KCNH7: variants seen among roughly 807,000 people sequenced by gnomAD.
KCNH7 encodes voltage-gated inwardly rectifying potassium channel KCNH7.
In KCNH7, 49 loss-of-function variants were observed where a neutral mutation model predicts 120.8. The ratio of observed to expected loss-of-function variants is 0.41; its 90% confidence interval spans 0.32 to 0.51. The LOEUF (loss-of-function observed/expected upper bound fraction) is 0.51. Among genes scored for constraint, KCNH7 ranks in the 20% least tolerant of loss-of-function variants. KCNH7 has a pLI of 0.38. For synonymous variants in KCNH7, 547 were observed against 516.1 expected (o/e 1.06, Z -0.81); for missense variants, 1,097 against 1,446.6 (o/e 0.76, Z 3.92).
chr2:162,563,375 T>C (rs908569218), intron 2 of KCNH7, among the ~76,000 whole-genome samples: 3 of 152,202 alleles, frequency 2.0e-5, no homozygotes, highest in African/African-American at 7.2e-5. Flanking sequence ...CTTTACCTTG[T>C]ATTGTATTTC....
At chr2:162,467,263 G>T (rs1339124379) in intron 6 of KCNH7, among the ~76,000 whole-genome samples, 2 of 152,122 alleles carry the variant, frequency 1.3e-5, no homozygotes, top group African/African-American at 4.8e-5. Flanking sequence ...AGTTCTCAAG[G>T]TAATTCACCA....
At chr2:162,392,899 A>T (rs113358804) in intron 12 of KCNH7, among the ~76,000 whole-genome samples, 216 of 151,928 alleles carry the variant, frequency 1.4e-3, no homozygotes, top group African/African-American at 4.9e-3. Flanking sequence ...AGAAAAAAAA[A>T]ATCAACAGAA....
At chr2:162,821,030 G>A (rs920739739) in intron 2 of KCNH7, among the ~76,000 whole-genome samples, 1 of 152,072 alleles carries the variant, frequency 6.6e-6, no homozygotes, top group Non-Finnish European at 1.5e-5. Context: ...GACAACAAAG[G>A]TTACACACAA....
intron 2 of KCNH7, among the ~76,000 whole-genome samples, chr2:162,578,774 A>AATT (rs1187268244): frequency 6.6e-6 from 1 of 151,970 alleles, no homozygotes; most frequent in Non-Finnish European, 1.5e-5. Flanking sequence ...TAGAAGTGGG[A>AATT]CCTATTTCCC....
chr2:162,752,914 A>T (rs1574342827), intron 2 of KCNH7, among the ~76,000 whole-genome samples: 2 of 51,942 alleles, frequency 3.9e-5, no homozygotes, highest in South Asian at 6.3e-4. Context: ...AAAAGAAAAG[A>T]AAAGAAAAGA....
intron 2 of KCNH7, among the ~76,000 whole-genome samples, chr2:162,738,754 C>T (rs1688009276): frequency 6.6e-6 from 1 of 152,318 alleles, no homozygotes; most frequent in Non-Finnish European, 1.5e-5. Flanking sequence ...ATCTGGGCTC[C>T]TTGGAGGATA....
intron 2 of KCNH7, among the ~76,000 whole-genome samples, chr2:162,589,668 C>T (rs1406056058): frequency 6.6e-6 from 1 of 152,008 alleles, no homozygotes; most frequent in Non-Finnish European, 1.5e-5. Context: ...TTTCATGTAC[C>T]AGGGATTGGA....
intron 2 of KCNH7, among the ~76,000 whole-genome samples, chr2:162,640,229 A>C (rs190543482): frequency 6.6e-6 from 1 of 152,174 alleles, no homozygotes. Flanking sequence ...AAGCAAAGGA[A>C]GTAGAATAGT....
At chr2:162,489,620 T>C (rs1246703669) in intron 6 of KCNH7, among the ~76,000 whole-genome samples, 1 of 152,236 alleles carries the variant, frequency 6.6e-6, no homozygotes, top group Non-Finnish European at 1.5e-5. Flanking sequence ...CATGTTTTTA[T>C]ATCAGCCAGA....
At chr2:162,527,590 A>C (rs1159559218) in intron 3 of KCNH7, among the ~76,000 whole-genome samples, 1 of 152,004 alleles carries the variant, frequency 6.6e-6, no homozygotes, top group Admixed American at 6.6e-5. Flanking sequence ...TATGAATAAA[A>C]TTTTAATGGT....
At chr2:162,464,948 C>A (rs1486106823) in intron 6 of KCNH7, among the ~76,000 whole-genome samples, 1 of 152,184 alleles carries the variant, frequency 6.6e-6, no homozygotes, top group Admixed American at 6.5e-5. Context: ...GGGTTGCCAA[C>A]TTTTTACTTA....
At chr2:162,533,922 C>A (rs192660158) in intron 3 of KCNH7, among the ~76,000 whole-genome samples, 95 of 151,052 alleles carry the variant, frequency 6.3e-4, no homozygotes, top group African/African-American at 2.2e-3. Context: ...AAATAATAAA[C>A]CACGGGCAAA....
intron 2 of KCNH7, among the ~76,000 whole-genome samples, chr2:162,824,698 A>T (rs1025967372): frequency 3.9e-5 from 6 of 152,114 alleles, no homozygotes; most frequent in African/African-American, 1.4e-4. Flanking sequence ...CTCACGTATC[A>T]TATGTAATTT....
At chr2:162,747,326 A>G (rs1199402507) in intron 2 of KCNH7, among the ~76,000 whole-genome samples, 1 of 152,164 alleles carries the variant, frequency 6.6e-6, no homozygotes, top group African/African-American at 2.4e-5. Flanking sequence ...GTTAAAAATA[A>G]TAAAAGAAAC....
At chr2:162,495,554 T>A (rs1051377476) in intron 6 of KCNH7, among the ~76,000 whole-genome samples, 5 of 152,208 alleles carry the variant, frequency 3.3e-5, no homozygotes, top group African/African-American at 1.2e-4. Context: ...AAGCCAAGTA[T>A]AAGACTTAAG....
At position 162,755,708 on chromosome 2, in the gene KCNH7, ATATT is replaced by A. The variant is rs566738199; in HGVS notation, c.307+80825_307+80828del. ...ATAACAATTTCAATCCAATACAGAC[ATATT>A]TAGACAGATACTATTATTTAATTAT... On this transcript the variant is annotated intron_variant, in intron 2 of 15. Coordinates refer to ENST00000332142, the MANE Select transcript of KCNH7 (RefSeq NM_033272.4). Among the ~76,000 whole-genome samples the A allele has an allele frequency of 2.0e-5, 3 of 152,266 alleles. No individual in the cohort carries two copies. In the South Asian group the frequency reaches 6.2e-4, roughly 32 times the overall value.
chr2:162,456,866 C>A lies in KCNH7; in HGVS notation c.1129-10423G>T, dbSNP rs190597192. Among the ~76,000 whole-genome samples the A allele has an allele frequency of 5.3e-5, 8 of 152,062 alleles. No individual in the cohort carries two copies. In the East Asian group the frequency reaches 1.4e-3, roughly 26 times the overall value. ...GCTTCCATTTGCTTGTTAAATATTCCTCCATACTCTCTCTCTCTTTCCTTT... is the reference window on the plus strand; with the variant it reads ...GCTTCCATTTGCTTGTTAAATATTCATCCATACTCTCTCTCTCTTTCCTTT... On this transcript the variant is annotated intron_variant, in intron 6 of 15. Transcript: ENST00000332142.
At chr2:162,492,411 C>G (rs769615750) in intron 6 of KCNH7, among the ~76,000 whole-genome samples, 6 of 152,166 alleles carry the variant, frequency 3.9e-5, no homozygotes, top group Non-Finnish European at 7.3e-5. Context: ...GCAGTACTCT[C>G]TTTTGGTCTT....
rs904626178 is a variant in KCNH7, at chr2:162,678,375, C to T, written c.308-141295G>A. On this transcript the variant is annotated intron_variant, in intron 2 of 15. Coordinates refer to ENST00000332142, the MANE Select transcript of KCNH7 (RefSeq NM_033272.4). ...AACATTGCTAAGGAATGATGATATCCCTGAACTAGATGGAGCTCAAAATCC... is the reference window on the plus strand; with the variant it reads ...AACATTGCTAAGGAATGATGATATCTCTGAACTAGATGGAGCTCAAAATCC... Among the ~76,000 whole-genome samples the T allele has an allele frequency of 2.6e-5, 4 of 151,212 alleles. No homozygotes were observed. The South Asian group carries it at 8.3e-4, about 31-fold the overall frequency.
Sources: allele counts gnomAD v4.1 joint callset (sites outside exome capture counted in the v4.1 genomes callset), GRCh38; gene constraint gnomAD v4.1.1; transcripts MANE v1.5; gene names NCBI Gene and HGNC (gene_info 2026-07-23, HGNC 2026-07-21).